DIAPH1: variants seen among roughly 807,000 people sequenced by gnomAD.
DIAPH1 encodes the protein protein diaphanous homolog 1.
Under a neutral mutation model 140.7 loss-of-function variants are expected in DIAPH1, and 46 were observed. The observed-to-expected ratio is 0.33, with a 90% CI of 0.26 to 0.42. The LOEUF (loss-of-function observed/expected upper bound fraction) is 0.42, where lower values mean the gene tolerates loss of function less well. Among genes scored for constraint, DIAPH1 ranks in the 10% least tolerant of loss-of-function variants. The pLI is 1.00. For missense variants in DIAPH1, 1,310 were observed against 1,558.7 expected (o/e 0.84, Z 2.69); for synonymous variants, 565 against 551.6 (o/e 1.02, Z -0.34).
At position 141,518,056 on chromosome 5, in the gene DIAPH1, G is replaced by A. The variant is rs1596331435; in HGVS notation, c.3662-1048C>T. On this transcript the variant is annotated intron_variant, in intron 27 of 27. Coordinates refer to ENST00000389054, the MANE Select transcript of DIAPH1 (RefSeq NM_005219.5). Reference sequence around the variant, plus strand: ...AGAAGCCTGACACGAAAGGCCATATGTTATGGGTCAGCTTCTGCGAAATGT... The same window carrying A: ...AGAAGCCTGACACGAAAGGCCATATATTATGGGTCAGCTTCTGCGAAATGT... Among the ~76,000 whole-genome samples the A allele has an allele frequency of 3.9e-5, 6 of 152,324 alleles. No individual in the cohort carries two copies. In the South Asian group the frequency reaches 1.0e-3, roughly 26 times the overall value.
Position 141,527,719 on chromosome 5 carries a change from A to C in DIAPH1, c.3149-22T>G, listed in dbSNP as rs556700144. ...GAAACTAAAAAAAAAAAAAAAAAAA[A>C]AAACCATAAAAACAGACAGCAAGAG... is the stretch of plus-strand genomic sequence containing the variant. On this transcript the variant is annotated intron_variant, in intron 23 of 27. Transcript: ENST00000389054. 24 of 1,553,218 alleles carry C rather than the reference A, an allele frequency of 1.5e-5. No homozygotes were observed. In the East Asian group the frequency reaches 2.3e-4, roughly 15 times the overall value.
chr5:141,607,224 G>C (rs375691112), intron 1 of DIAPH1, among the ~76,000 whole-genome samples: 2 of 152,014 alleles, frequency 1.3e-5, no homozygotes, highest in East Asian at 1.9e-4. Flanking sequence ...CTGTATTAAA[G>C]AACATTTAGA....
chr5:141,552,484 T>C (rs2099891855), intron 18 of DIAPH1, among the ~76,000 whole-genome samples: 1 of 152,110 alleles, frequency 6.6e-6, no homozygotes, highest in East Asian at 1.9e-4. Context: ...GAAGGGACCA[T>C]AAGCCAAGGA....
intron 3 of DIAPH1, 26 bp downstream of exon 3, chr5:141,587,016 C>T: frequency 6.2e-7 from 1 of 1,613,678 alleles, no homozygotes; most frequent in Non-Finnish European, 8.5e-7. Flanking sequence ...CAGGAAGAAG[C>T]AACATTTTGG....
At chr5:141,574,291 A>C in intron 15 of DIAPH1, 83 bp from the exon 16 acceptor site, 1 of 1,359,566 alleles carries the variant, frequency 7.4e-7, no homozygotes, top group Non-Finnish European at 1.0e-6. Flanking sequence ...AAACTACTTA[A>C]TCCAAACTTC....
intron 27 of DIAPH1, chr5:141,518,713 G>A: frequency 1.8e-6 from 1 of 559,750 alleles, no homozygotes; most frequent in Non-Finnish European, 3.2e-6. Context: ...TGCAGAGATG[G>A]GGTCTCTCCA....
chr5:141,544,288 C>T (rs534153965), intron 18 of DIAPH1, among the ~76,000 whole-genome samples: 51 of 150,994 alleles, frequency 3.4e-4, no homozygotes, highest in African/African-American at 1.1e-3. Flanking sequence ...CCAGCCTGGG[C>T]GACAAGAGTG....
At position 141,527,637 on chromosome 5, in the gene DIAPH1, T is replaced by C. The variant is rs760138089; in HGVS notation, c.3209A>G (p.Glu1070Gly). The change falls in exon 24 of 28, where the codon GAA becomes GGA. Residue 1070 changes from glutamate to glycine, a missense_variant. Transcript: ENST00000389054. Reference protein sequence around the residue: ...DQMKKQISDVERDVQNFPAAT... With the variant: ...DQMKKQISDVGRDVQNFPAAT... The stretch of plus-strand genomic sequence containing the variant: ...AGCTGGGAAATTCTGAACATCACGT[T>C]CCACATCAGAAATTTGTTTCTTCAT... The C allele has an allele frequency of 1.2e-6, 2 of 1,606,398 alleles. No homozygotes were observed. Among genetic ancestry groups the C allele is most frequent in the Non-Finnish European group, 1.7e-6 (2 of 1,177,312 alleles).
chr5:141,576,745 A>G lies in DIAPH1; in HGVS notation c.1396+11T>C, dbSNP rs746500546. 22 of 1,537,778 alleles carry G rather than the reference A, an allele frequency of 1.4e-5. No homozygotes were observed. The highest frequency in any genetic ancestry group is 2.0e-5 in the Non-Finnish European group (22 of 1,110,586). ...AATACTTGGAGGAGCCAGATAGAAG[A>G]GTATGCTTACCAATTAATCCCTCAA... On this transcript the variant is annotated intron_variant, in intron 13 of 27. Coordinates refer to ENST00000389054, the MANE Select transcript of DIAPH1 (RefSeq NM_005219.5).
chr5:141,592,170 A>C (rs2099898594), intron 1 of DIAPH1, among the ~76,000 whole-genome samples: 1 of 151,952 alleles, frequency 6.6e-6, no homozygotes, highest in Non-Finnish European at 1.5e-5. Flanking sequence ...AACATGATCC[A>C]CGAGGGAAAA....
At position 141,579,087 on chromosome 5, in the gene DIAPH1, C is replaced by T. The variant is rs759435596; in HGVS notation, c.933+1G>A. The T allele has an allele frequency of 6.2e-7, 1 of 1,609,950 alleles. No homozygotes were observed. Among genetic ancestry groups the T allele is most frequent in the South Asian group, 1.1e-5 (1 of 91,000 alleles). ...GGCCCAGTTTCAGGGGATATACATGCCTTCAGTGCAATAGTGGTTCCACTT... is the reference window on the plus strand; with the variant it reads ...GGCCCAGTTTCAGGGGATATACATGTCTTCAGTGCAATAGTGGTTCCACTT... On this transcript the variant is annotated splice_donor_variant, in intron 9 of 27. Transcript: ENST00000389054. LOFTEE classifies it high-confidence loss of function.
intron 27 of DIAPH1, among the ~76,000 whole-genome samples, chr5:141,523,359 G>A (rs1175489041): frequency 6.6e-6 from 1 of 152,174 alleles, no homozygotes; most frequent in East Asian, 1.9e-4. Flanking sequence ...CTCCACATGA[G>A]GGGCAGACTT....
At position 141,565,429 on chromosome 5, in the gene DIAPH1, G is replaced by T. The variant is rs1032149259; in HGVS notation, c.2482+5999C>A. Among the ~76,000 whole-genome samples, 3 of 152,166 alleles carry T rather than the reference G, an allele frequency of 2.0e-5. No homozygotes were observed. The highest frequency in any genetic ancestry group is 2.9e-5 in the Non-Finnish European group (2 of 68,026). ...TGATTTAACCACAGTCACTCTGGGG[G>T]AGGACACCTTTTTACCCTGTATTTC... is the stretch of plus-strand genomic sequence containing the variant. On this transcript the variant is annotated intron_variant, in intron 18 of 27. Coordinates refer to ENST00000389054, the MANE Select transcript of DIAPH1 (RefSeq NM_005219.5). This position sits in a 1 kb window ranked among gnomAD's most constrained non-coding sequence, Gnocchi z 4.3.
At chr5:141,615,585 C>CA (rs896616388) in intron 1 of DIAPH1, among the ~76,000 whole-genome samples, 11 of 150,916 alleles carry the variant, frequency 7.3e-5, no homozygotes, top group South Asian at 4.2e-4. Context: ...ACTAAAAATA[C>CA]AAAAAAAATT....
intron 1 of DIAPH1, among the ~76,000 whole-genome samples, chr5:141,614,562 T>A (rs1470460057): frequency 6.6e-6 from 1 of 152,092 alleles, no homozygotes; most frequent in Non-Finnish European, 1.5e-5. Flanking sequence ...TTTAAAAAAA[T>A]TTACCAACTC....
At chr5:141,560,989 C>T (rs2099893446) in intron 18 of DIAPH1, 1 of 452,492 alleles carries the variant, frequency 2.2e-6, no homozygotes, top group South Asian at 1.6e-5. Context: ...TACTGAAAGT[C>T]ACCTGATCTT....
At chr5:141,517,508 A>G (rs2099885871) in intron 27 of DIAPH1, among the ~76,000 whole-genome samples, 2 of 151,752 alleles carry the variant, frequency 1.3e-5, no homozygotes, top group African/African-American at 4.8e-5. Context: ...GGCTGGAGAG[A>G]CTCCCGCAAA....
At chr5:141,601,486 C>T (rs1012857871) in intron 1 of DIAPH1, among the ~76,000 whole-genome samples, 4 of 151,952 alleles carry the variant, frequency 2.6e-5, no homozygotes, top group Admixed American at 6.6e-5. Flanking sequence ...GAAAGGGTTT[C>T]GCCATATTGG....
At chr5:141,618,517 T>C (rs992762397) in intron 1 of DIAPH1, 3 of 339,358 alleles carry the variant, frequency 8.8e-6, no homozygotes, top group Non-Finnish European at 1.6e-5. Flanking sequence ...GAGACGGGGC[T>C]GAGAGCCGGC....
Sources: allele counts gnomAD v4.1 joint callset (sites outside exome capture counted in the v4.1 genomes callset), GRCh38; gene constraint gnomAD v4.1.1; non-coding constraint Gnocchi (gnomAD v3.1); transcripts MANE v1.5; gene names NCBI Gene and HGNC (gene_info 2026-07-23, HGNC 2026-07-21).